The following TMX4 variants were observed in gnomAD, a reference collection of about 807,000 sequenced individuals.
TMX4 encodes the protein thioredoxin related transmembrane protein 4.
TMX4 carries 23 observed loss-of-function variants against 33.3 expected under a neutral mutation model. The ratio of observed to expected loss-of-function variants is 0.69; its 90% CI spans 0.50 to 0.98. The LOEUF (loss-of-function observed/expected upper bound fraction) is 0.98, where lower values mean the gene tolerates loss of function less well. TMX4 is among the 50% of genes least tolerant of loss of function. The pLI, the probability that TMX4 is intolerant of heterozygous loss-of-function variation, is 0.00. For synonymous variants in TMX4, 164 were observed against 161.5 expected, an observed-to-expected ratio of 1.02 and a Z score of -0.12; for missense variants, 399 against 448.9, an observed-to-expected ratio of 0.89 and a Z score of 1.01.
intron 2 of TMX4, among the ~76,000 whole-genome samples, chr20:8,004,676 G>A (rs1205275410): frequency 6.6e-6 from 1 of 152,130 alleles, no homozygotes; most frequent in Non-Finnish European, 1.5e-5. Context: ...AATTATGGAA[G>A]AGAATTACAT....
In TMX4 at chr20:7,981,361, G is replaced by C. The variant is rs972265434; in HGVS notation, c.*890C>G. On this transcript the variant is annotated 3_prime_UTR_variant, in exon 8 of 8. Coordinates refer to ENST00000246024, the MANE Select transcript of TMX4 (RefSeq NM_021156.4). Reference sequence around the variant, plus strand: ...ACTGGCAAGACTTAGAGGACTTCTGGCTTGAAAAATATTGCTTAGAAAACT... The same window carrying C: ...ACTGGCAAGACTTAGAGGACTTCTGCCTTGAAAAATATTGCTTAGAAAACT... 3 of 152,050 alleles carry C rather than the reference G, an allele frequency of 2.0e-5. No homozygotes were observed. Among genetic ancestry groups the C allele is most frequent in the Non-Finnish European group, 4.4e-5 (3 of 68,000 alleles). 9.4% of individuals were successfully genotyped at this position (152,050 alleles called of 1,614,324 possible).
intron 6 of TMX4, 107 bp downstream of exon 6, chr20:7,987,181 G>A: frequency 1.3e-6 from 1 of 793,232 alleles, no homozygotes. Flanking sequence ...TACTTAGATT[G>A]CACAAAATAC....
chr20:7,982,297 T>C lies in TMX4; in HGVS notation c.1004A>G (p.Asp335Gly). 1 of 1,613,724 alleles carries C rather than the reference T, an allele frequency of 6.2e-7. No homozygotes were observed. Among genetic ancestry groups the C allele is most frequent in the Non-Finnish European group, 8.5e-7 (1 of 1,179,944 alleles). The change falls in exon 8 of 8, where the codon GAC becomes GGC. Residue 335 changes from aspartate to glycine, a missense_variant. Asp to Gly is a moderately conservative substitution (Grantham distance 94, BLOSUM62 -1). Transcript: ENST00000246024. ...CTGACTTTTACGCTGCCTCAAGGAG[T>C]CTTCCACCACCTCTGTGTCAGCTGG... ...PCPADTEVVEDSLRQRKSQHA... is the reference protein window; with the variant it reads ...PCPADTEVVEGSLRQRKSQHA...
intron 2 of TMX4, among the ~76,000 whole-genome samples, chr20:8,001,745 G>A (rs1473076302): frequency 6.6e-6 from 1 of 152,018 alleles, no homozygotes; most frequent in Non-Finnish European, 1.5e-5. Flanking sequence ...TGCATCACTT[G>A]GATTGTAAGG....
intron 5 of TMX4, among the ~76,000 whole-genome samples, chr20:7,989,993 G>T (rs964741261): frequency 2.6e-5 from 4 of 152,104 alleles, no homozygotes; most frequent in Admixed American, 2.6e-4. Context: ...GGTACTAGAT[G>T]AATAAGAAAG....
rs1221724298 is a variant in TMX4, at chr20:8,011,321, CA to C, written c.177-1007del. 2.0e-5 allele frequency among the ~76,000 whole-genome samples: 3 copies of C among 151,832 alleles called. No homozygotes were observed. The East Asian group carries it at 5.8e-4, about 29-fold the overall frequency. ...CAATAGAATATAACACTCACACACA[CA>C]AAATGCCTTAGGAAGGGAAACAAAG... On this transcript the variant is annotated intron_variant, in intron 1 of 7. Coordinates refer to ENST00000246024, the MANE Select transcript of TMX4 (RefSeq NM_021156.4).
chr20:7,999,978 T>G (rs2050697292), intron 3 of TMX4, 118 bp from the exon 4 acceptor site: 1 of 1,068,460 alleles, frequency 9.4e-7, no homozygotes, highest in Admixed American at 3.0e-5. Flanking sequence ...TTAAATTGAC[T>G]CAATTGAAAA....
At chr20:7,982,903 G>T (rs2122850057) in intron 7 of TMX4, among the ~76,000 whole-genome samples, 1 of 152,298 alleles carries the variant, frequency 6.6e-6, no homozygotes, top group South Asian at 2.1e-4. Context: ...CTTGTAGAAA[G>T]CTCAGTGACC....
chr20:7,982,439 C>A lies in TMX4; in HGVS notation c.862G>T (p.Gly288Cys). The A allele has an allele frequency of 6.2e-7, 1 of 1,614,156 alleles. No individual in the cohort carries two copies. The highest frequency in any genetic ancestry group is 8.5e-7 in the Non-Finnish European group (1 of 1,180,032). The change falls in exon 8 of 8, where the codon GGT (glycine) becomes TGT (cysteine). Residue 288 changes from glycine (G) to cysteine (C), a missense_variant. By Grantham distance (159) the Gly-to-Cys change is radical. Transcript: ENST00000246024. ...GCCTCACTTCTCTCCTCATCCACAC[C>A]AGCAGCCAAGTTGTCCTCCTCCTCT... The part of the protein sequence containing the change: ...EEEEEDNLAA[G>C]VDEERSEAND...
chr20:7,995,251 G>A (rs1357342123), intron 5 of TMX4, among the ~76,000 whole-genome samples: 1 of 152,262 alleles, frequency 6.6e-6, no homozygotes, highest in East Asian at 1.9e-4. Flanking sequence ...TATATAGGGA[G>A]ACTCGCTTCT....
intron 6 of TMX4, among the ~76,000 whole-genome samples, chr20:7,986,080 G>C (rs745546680): frequency 6.6e-6 from 1 of 152,062 alleles, no homozygotes; most frequent in Non-Finnish European, 1.5e-5. Context: ...GAAAAATCTC[G>C]CACCAGACAA....
At chr20:7,984,396 G>C (rs1367464673) in intron 6 of TMX4, among the ~76,000 whole-genome samples, 1 of 152,168 alleles carries the variant, frequency 6.6e-6, no homozygotes, top group East Asian at 1.9e-4. Flanking sequence ...CTTGGATCCA[G>C]AGAAAGCCCT....
chr20:7,996,954 G>A (rs568249726), intron 4 of TMX4, among the ~76,000 whole-genome samples: 5 of 152,168 alleles, frequency 3.3e-5, no homozygotes, highest in Admixed American at 2.0e-4. Flanking sequence ...GATTGTCAAG[G>A]CCATGATGAC....
chr20:7,985,038 G>A (rs1183162862), intron 6 of TMX4, among the ~76,000 whole-genome samples: 2 of 151,960 alleles, frequency 1.3e-5, no homozygotes, highest in Non-Finnish European at 2.9e-5. Flanking sequence ...TATCATCCTA[G>A]AAGTTAACAA....
At chr20:7,988,375 C>T (rs1426504862) in intron 5 of TMX4, among the ~76,000 whole-genome samples, 9 of 152,164 alleles carry the variant, frequency 5.9e-5, no homozygotes, top group Non-Finnish European at 7.3e-5. Flanking sequence ...AAATCACTCC[C>T]ATTGGTTTCT....
At chr20:8,006,216 A>AAGCCCCT (rs367854740) in intron 2 of TMX4, among the ~76,000 whole-genome samples, 3,238 of 152,262 alleles carry the variant, frequency 0.021, 56 homozygotes, top group Non-Finnish European at 0.032. Flanking sequence ...CCCCCAACGC[A>AAGCCCCT]CACCCTGTGA....
intron 5 of TMX4, among the ~76,000 whole-genome samples, chr20:7,995,371 T>C (rs115046129): frequency 0.011 from 1,641 of 152,316 alleles, 19 homozygotes; most frequent in Middle Eastern, 0.027. Flanking sequence ...TTATGGGACA[T>C]ACTCAACATT....
Position 8,019,754 on chromosome 20 carries a change from C to A in TMX4, c.-141G>T. On this transcript the variant is annotated 5_prime_UTR_variant, in exon 1 of 8. Coordinates refer to ENST00000246024, the MANE Select transcript of TMX4 (RefSeq NM_021156.4). ...GCCTACGCCTAGCGGCGCAGACTGG[C>A]GGTGCTCGCAATGCCGCGGAGGACG... is the stretch of plus-strand genomic sequence containing the variant. The A allele has an allele frequency of 1.4e-6, 1 of 706,610 alleles. No individual in the cohort carries two copies. Among genetic ancestry groups the A allele is most frequent in the Non-Finnish European group, 2.0e-6 (1 of 504,364 alleles). The allele number at this position is 706,610 out of a possible 1,614,324, so 43.8% of individuals were successfully genotyped here. A position where few individuals can be genotyped will look rare whatever the true frequency, so the allele number is the denominator to read the frequency against.
At chr20:7,988,960 G>T (rs2050642406) in intron 5 of TMX4, among the ~76,000 whole-genome samples, 1 of 151,694 alleles carries the variant, frequency 6.6e-6, no homozygotes, top group Non-Finnish European at 1.5e-5. Flanking sequence ...GAGGCAGAGG[G>T]AGTGGGCTGA....
Sources: allele counts gnomAD v4.1 joint callset (sites outside exome capture counted in the v4.1 genomes callset), GRCh38; gene constraint gnomAD v4.1.1; transcripts MANE v1.5; gene names NCBI Gene and HGNC (gene_info 2026-07-23, HGNC 2026-07-21).